TKFC: variants seen among roughly 807,000 people sequenced by gnomAD.
TKFC encodes the protein triokinase/FMN cyclase.
Under a neutral mutation model 61.0 loss-of-function variants are expected in TKFC, and 46 were observed. The ratio of observed to expected loss-of-function variants is 0.75; its 90% CI spans 0.60 to 0.96. The LOEUF is 0.96. Ranked by LOEUF, TKFC falls within the 50% of genes least tolerant of loss-of-function variation. TKFC has a pLI of 0.00. For missense variants in TKFC, 715 were observed against 777.5 expected (o/e 0.92, Z 0.96); for synonymous variants, 314 against 330.1 (o/e 0.95, Z 0.53).
chr11:61,349,693 CA>C (rs994455889), downstream of TKFC: 18 of 701,462 alleles, frequency 2.6e-5, no homozygotes, highest in African/African-American at 5.2e-5. Context: ...CACAGAGCAG[CA>C]ATACGAAACA....
chr11:61,339,583 TCCCCTCAGCTA>T, intron 5 of TKFC, 148 bp downstream of exon 5: 1 of 886,328 alleles, frequency 1.1e-6, no homozygotes. Context: ...GGCCCCGCCA[TCCCCTCAGCTA>T]CCTAAGCCCA....
At chr11:61,340,165 C>T (rs1856797719) in intron 5 of TKFC, among the ~76,000 whole-genome samples, 1 of 152,140 alleles carries the variant, frequency 6.6e-6, no homozygotes, top group African/African-American at 2.4e-5. Flanking sequence ...GCGCCTGCCA[C>T]CACGCCCGGC....
downstream of TKFC, chr11:61,350,511 A>C: frequency 1.3e-6 from 2 of 1,531,626 alleles, no homozygotes; most frequent in Non-Finnish European, 1.8e-6. Flanking sequence ...CCCAGCCTGC[A>C]GGGTGGTCCC....
chr11:61,337,279 G>T (rs1856646620), intron 2 of TKFC, among the ~76,000 whole-genome samples: 1 of 152,152 alleles, frequency 6.6e-6, no homozygotes, highest in Non-Finnish European at 1.5e-5. Flanking sequence ...CCGACTAGTG[G>T]GACTCCAGGC....
intron 2 of TKFC, chr11:61,335,246 A>G (rs746693736): frequency 1.1e-4 from 18 of 159,786 alleles, no homozygotes; most frequent in Non-Finnish European, 1.9e-4. Context: ...CAGCTGCATG[A>G]CCTTTTACAG....
rs376289086 is a variant in TKFC at position 61,342,557 on chromosome 11, C to G, written c.691-17C>G. 2.6e-5 allele frequency: 42 copies of G among 1,613,866 alleles called. No homozygotes were observed. Among genetic ancestry groups the G allele is most frequent in the Non-Finnish European group, 3.3e-5 (39 of 1,180,048 alleles). ...AAGGCCCCCCAGATGCAGCTCATTC[C>G]TGGCTCCCTCTGACAGATGGCAACC... On this transcript the variant is annotated splice_polypyrimidine_tract_variant and intron_variant, in intron 8 of 17. Coordinates refer to ENST00000394900, the MANE Select transcript of TKFC (RefSeq NM_015533.4).
At chr11:61,341,364 C>T (rs1040929956) in intron 5 of TKFC, 72 bp from the exon 6 acceptor site, 2 of 1,507,524 alleles carry the variant, frequency 1.3e-6, no homozygotes, top group African/African-American at 1.4e-5. Context: ...AATTCATCCC[C>T]TGCCTGTCTT....
At chr11:61,339,678 C>T (rs778216358) in intron 5 of TKFC, among the ~76,000 whole-genome samples, 10 of 152,186 alleles carry the variant, frequency 6.6e-5, no homozygotes, top group Non-Finnish European at 1.5e-4. Context: ...TGGTGCTTCT[C>T]CTCCCAAATG....
At chr11:61,352,458 G>C (rs189633455), downstream of TKFC, 351 of 160,950 alleles carry the variant, frequency 2.2e-3, 2 homozygotes, top group South Asian at 0.016. Flanking sequence ...TCAGGAGTCC[G>C]AGACCAGCCT....
chr11:61,351,630 A>G (rs1183940312), downstream of TKFC: 2 of 151,802 alleles, frequency 1.3e-5, no homozygotes, highest in African/African-American at 4.8e-5. Flanking sequence ...ATATTTGTAT[A>G]ATGAGCCAGG....
At chr11:61,353,180 T>G (rs766637376), downstream of TKFC, 1 of 1,548,862 alleles carries the variant, frequency 6.5e-7, no homozygotes. Flanking sequence ...GTGCTATGTG[T>G]GACCAAAGCA....
rs565552377 is a variant in TKFC at position 61,345,216 on chromosome 11, G to A, written c.1241-44G>A. ...GTGCTGGCTGGAAGTCTGGCAGATG[G>A]AGGGAGGATCTCTGAATTCCTCCCC... is the stretch of plus-strand genomic sequence containing the variant. On this transcript the variant is annotated intron_variant, in intron 13 of 17. Coordinates refer to ENST00000394900, the MANE Select transcript of TKFC (RefSeq NM_015533.4). 94 of 1,461,986 alleles carry A rather than the reference G, an allele frequency of 6.4e-5. 1 individual carries two copies. In the South Asian group the frequency reaches 8.5e-4, roughly 13 times the overall value. The allele number at this position is 1,461,986 out of a possible 1,614,324, so 90.6% of individuals were successfully genotyped here. A position where few individuals can be genotyped will look rare whatever the true frequency, so the allele number is the denominator to read the frequency against.
chr11:61,345,088 G>A (rs946185052), intron 13 of TKFC, among the ~76,000 whole-genome samples, 172 bp from the exon 14 acceptor site: 5 of 152,214 alleles, frequency 3.3e-5, no homozygotes, highest in Admixed American at 6.5e-5. Context: ...GGCCCCTTTC[G>A]GTTACGCAGC....
chr11:61,337,977 G>A lies in TKFC; in HGVS notation c.40G>A (p.Ala14Thr). The A allele has an allele frequency of 1.2e-6, 2 of 1,610,454 alleles. No individual in the cohort carries two copies. Among genetic ancestry groups the A allele is most frequent in the Non-Finnish European group, 1.7e-6 (2 of 1,178,882 alleles). The stretch of plus-strand genomic sequence containing the variant: ...GCTGGTGAACTCGGTGGCTGGCTGT[G>A]CTGATGACGCTCTTGCTGGCCTGGT... ...KKLVNSVAGC[A>T]DDALAGLVAC... Residue 14 changes from alanine (A) to threonine (T), a missense_variant, in exon 3 of 18, where the codon GCT (alanine) becomes ACT (threonine). Ala to Thr is a moderately conservative substitution (Grantham distance 58). Transcript: ENST00000394900.
chr11:61,339,407 G>T lies in TKFC; in HGVS notation c.458G>T (p.Gly153Val). The T allele has an allele frequency of 1.9e-6, 3 of 1,612,878 alleles. No individual in the cohort carries two copies. In the South Asian group the frequency reaches 3.3e-5, roughly 18 times the overall value. Residue 153 changes from glycine (G) to valine (V), a missense_variant, in exon 5 of 18, where the codon GGG becomes GTG. Transcript: ENST00000394900. ...GTCCTGAAGAAGGCAGGCCGGCGGGGGCTGTGCGGCACGGTGCTTATACAC... is the reference window on the plus strand; with the variant it reads ...GTCCTGAAGAAGGCAGGCCGGCGGGTGCTGTGCGGCACGGTGCTTATACAC... ...FTVLKKAGRR[G>V]LCGTVLIHKV...
intron 3 of TKFC, 72 bp from the exon 4 acceptor site, chr11:61,338,994 A>G: frequency 7.6e-7 from 1 of 1,322,012 alleles, no homozygotes; most frequent in Non-Finnish European, 1.1e-6. Flanking sequence ...TGACCCCCGG[A>G]GTGTGGGAAG....
rs768713314 is a variant in TKFC, at chr11:61,343,365, C to T, written c.889C>T (p.Arg297Cys). The T allele has an allele frequency of 1.1e-5, 17 of 1,614,014 alleles. No individual in the cohort carries two copies. Among genetic ancestry groups the T allele is most frequent in the Admixed American group, 1.7e-5 (1 of 60,000 alleles). Residue 297 changes from arginine to cysteine, a missense_variant, in exon 11 of 18, where the codon CGT becomes TGT. Transcript: ENST00000394900. ...SLEGRGVKIA[R>C]ALVGTFMSAL... ...AGAGGGCCGCGGGGTGAAGATTGCCCGTGCCCTGGTGGGCACCTTCATGTC... is the reference window on the plus strand; with the variant it reads ...AGAGGGCCGCGGGGTGAAGATTGCCTGTGCCCTGGTGGGCACCTTCATGTC...
intron 6 of TKFC, 115 bp from the exon 7 acceptor site, chr11:61,341,708 C>T (rs1856861437): frequency 1.5e-6 from 2 of 1,292,950 alleles, no homozygotes; most frequent in East Asian, 4.6e-5. Flanking sequence ...GTCTGGCAGC[C>T]TTTCTCAGAG....
rs1590584078 is a variant in TKFC at position 61,346,700 on chromosome 11, A to C, written c.*197A>C. On this transcript the variant is annotated 3_prime_UTR_variant, in exon 18 of 18. Transcript: ENST00000394900. This position sits in a 1 kb window ranked among gnomAD's most constrained non-coding sequence, Gnocchi z 4.1. ...CCAGAGTGAGCTGGAGTGGGTCCCC[A>C]TGCCTCTCCAGCATGCCCTTTCCCT... 1 of 1,372,380 alleles carries C rather than the reference A, an allele frequency of 7.3e-7. No individual in the cohort carries two copies. The highest frequency in any genetic ancestry group is 2.6e-5 in the East Asian group (1 of 37,786). The allele number at this position is 1,372,380 out of a possible 1,614,324, so 85.0% of individuals were successfully genotyped here.
Sources: gnomAD v4.1 joint callset for allele counts (sites outside exome capture counted in the v4.1 genomes callset) on GRCh38, gnomAD v4.1.1 for gene constraint, Gnocchi (gnomAD v3.1) non-coding constraint, MANE v1.5 for transcripts, NCBI Gene and HGNC (gene_info 2026-07-23, HGNC 2026-07-21) for gene names.